Variants in GPHN observed in about 807,000 individuals in gnomAD.
GPHN encodes gephyrin.
GPHN carries 17 observed loss-of-function variants against 95.5 expected under a neutral mutation model. That is an observed-to-expected ratio of 0.18 (90% CI 0.12 to 0.27). GPHN has a LOEUF of 0.27. Among genes scored for constraint, GPHN ranks in the 10% least tolerant of loss-of-function variants. GPHN has a pLI of 1.00. For missense variants in GPHN, 660 were observed against 978.1 expected, an observed-to-expected ratio of 0.67 and a Z score of 4.34; for synonymous variants, 320 against 322.5, an observed-to-expected ratio of 0.99 and a Z score of 0.08.
chr14:66,638,955 A>G (rs2153350817), intron 1 of GPHN, among the ~76,000 whole-genome samples: 1 of 152,250 alleles, frequency 6.6e-6, no homozygotes, highest in Non-Finnish European at 1.5e-5. Flanking sequence ...ACGTATTCAC[A>G]TTCAGTTAGT....
intron 1 of GPHN, among the ~76,000 whole-genome samples, chr14:66,610,245 C>G (rs763369178): frequency 6.6e-6 from 1 of 152,070 alleles, no homozygotes; most frequent in Non-Finnish European, 1.5e-5. Context: ...GTAGATGGTG[C>G]TTAAGTATAA....
At chr14:67,053,058 G>GA (rs113721368) in intron 10 of GPHN, among the ~76,000 whole-genome samples, 10,903 of 113,748 alleles carry the variant, frequency 0.096, 468 homozygotes, top group Middle Eastern at 0.19. Context: ...GAGCAAAAAA[G>GA]AAAAAAAAAA....
chr14:66,918,110 G>C (rs1187240238), intron 6 of GPHN, among the ~76,000 whole-genome samples: 1 of 152,182 alleles, frequency 6.6e-6, no homozygotes, highest in Non-Finnish European at 1.5e-5. Flanking sequence ...TTATACTCAT[G>C]ATTATTGTTC....
intron 1 of GPHN, among the ~76,000 whole-genome samples, chr14:66,660,435 A>G (rs146516376): frequency 8.6e-5 from 13 of 151,996 alleles, no homozygotes; most frequent in African/African-American, 2.7e-4. Flanking sequence ...AAGAGTTCTT[A>G]TTTTTTTGCT....
the GPHN span, among the ~76,000 whole-genome samples, chr14:67,508,390 G>C: frequency 6.6e-6 from 1 of 152,030 alleles, no homozygotes; most frequent in Admixed American, 6.6e-5. Flanking sequence ...AGAATATCTT[G>C]TCCAAATGAT....
chr14:67,481,934 A>G, the GPHN span, among the ~76,000 whole-genome samples: 4 of 152,248 alleles, frequency 2.6e-5, no homozygotes, highest in Admixed American at 1.3e-4. Flanking sequence ...AGGAACAGAA[A>G]TTCAGGGTGG....
intron 10 of GPHN, 99 bp downstream of exon 10, chr14:67,023,774 T>C: frequency 3.2e-6 from 3 of 931,460 alleles, no homozygotes; most frequent in Non-Finnish European, 5.2e-6. Context: ...ATGGGGAATA[T>C]TTATGTGACA....
intron 13 of GPHN, among the ~76,000 whole-genome samples, chr14:67,104,107 T>C (rs1317946949): frequency 6.6e-6 from 1 of 152,184 alleles, no homozygotes; most frequent in African/African-American, 2.4e-5. Context: ...GATGTTTTCC[T>C]AAGTCTGTTG....
intron 2 of GPHN, among the ~76,000 whole-genome samples, chr14:66,741,363 G>T (rs1380202264): frequency 6.6e-6 from 1 of 152,186 alleles, no homozygotes; most frequent in African/African-American, 2.4e-5. Flanking sequence ...AGATTTTGGA[G>T]ATGACTTGTG....
chr14:66,780,828 T>A (rs1368006454), intron 3 of GPHN, among the ~76,000 whole-genome samples: 2 of 152,208 alleles, frequency 1.3e-5, no homozygotes, highest in East Asian at 3.8e-4. Context: ...CTGAAAGAAA[T>A]GTGAAGCATA....
chr14:66,932,444 GTTTTTTTTTTTTTTTTT>G lies in GPHN; in HGVS notation c.828+8172_828+8188del, dbSNP rs35159325. ...AGGTGGGGAATCCTGCCAAGACCAG[GTTTTTTTTTTTTTTTTT>G]TTTTTTTTTTTTTTTTTTTCAGTGC... On this transcript the variant is annotated intron_variant, in intron 8 of 22. Transcript: ENST00000478722. Among the ~76,000 whole-genome samples, 216 of 24,394 alleles carry G rather than the reference GTTTTTTTTTTTTTTTTT, an allele frequency of 8.9e-3. 4 individuals are homozygous for G. The highest frequency in any genetic ancestry group is 0.03 in the African/African-American group (190 of 6,294). 16.0% of individuals were successfully genotyped at this position (24,394 alleles called of 152,430 possible).
chr14:67,461,166 G>A, the GPHN span, among the ~76,000 whole-genome samples: 1 of 152,194 alleles, frequency 6.6e-6, no homozygotes, highest in Non-Finnish European at 1.5e-5. Context: ...AACAAATGAA[G>A]GAGAATGTCT....
the GPHN span, chr14:67,449,853 T>A: frequency 6.6e-6 from 1 of 152,258 alleles, no homozygotes; most frequent in East Asian, 1.9e-4. Flanking sequence ...ATCCCAGCAC[T>A]TTGGGAGGCA....
intron 2 of GPHN, among the ~76,000 whole-genome samples, chr14:66,721,840 A>G (rs2070766904): frequency 6.6e-6 from 1 of 151,338 alleles, no homozygotes; most frequent in South Asian, 2.1e-4. Flanking sequence ...AATCCCAGCT[A>G]CTCGGGAGGC....
At chr14:67,207,780 C>CA in the GPHN span, among the ~76,000 whole-genome samples, 17 of 151,330 alleles carry the variant, frequency 1.1e-4, no homozygotes, top group East Asian at 2.3e-3. Flanking sequence ...AGTCTTTTGA[C>CA]AAAAAAAAAT....
At chr14:66,737,781 G>C (rs1003037063) in intron 2 of GPHN, among the ~76,000 whole-genome samples, 1 of 152,132 alleles carries the variant, frequency 6.6e-6, no homozygotes, top group African/African-American at 2.4e-5. Context: ...CCAACCGTGT[G>C]CTTAAATAAG....
intron 1 of GPHN, among the ~76,000 whole-genome samples, chr14:66,529,637 A>C (rs1349814691): frequency 1.3e-5 from 2 of 152,146 alleles, no homozygotes; most frequent in African/African-American, 4.8e-5. Context: ...GGTGACATTC[A>C]GAAGGGGTCT....
At chr14:66,601,114 A>G (rs574328629) in intron 1 of GPHN, among the ~76,000 whole-genome samples, 2 of 152,166 alleles carry the variant, frequency 1.3e-5, no homozygotes, top group African/African-American at 4.8e-5. Context: ...TGAACAATCA[A>G]TGAGTGTTTG....
the GPHN span, among the ~76,000 whole-genome samples, chr14:67,207,790 T>A: frequency 1.3e-5 from 2 of 152,178 alleles, no homozygotes; most frequent in Non-Finnish European, 2.9e-5. Context: ...CAAAAAAAAA[T>A]TTCTTTTATA....
Sources: allele counts gnomAD v4.1 joint callset (sites outside exome capture counted in the v4.1 genomes callset), GRCh38; gene constraint gnomAD v4.1.1; transcripts MANE v1.5; gene names NCBI Gene and HGNC (gene_info 2026-07-23, HGNC 2026-07-21).